The following GLIS1 variants were observed in gnomAD, a reference collection of about 807,000 sequenced individuals.
The protein encoded by GLIS1 is zinc finger protein GLIS1.
Under a neutral mutation model 63.8 loss-of-function variants are expected in GLIS1, and 24 were observed. The ratio of observed to expected loss-of-function variants is 0.38; its 90% confidence interval spans 0.27 to 0.53. GLIS1 has a LOEUF of 0.53. Ranked by LOEUF, GLIS1 falls within the 20% of genes least tolerant of loss-of-function variation. The probability of loss-of-function intolerance (pLI) is 0.85; values close to 1 mark genes in which losing one functional copy is unlikely to be tolerated. For missense variants in GLIS1, 1,036 were observed against 1,074.1 expected, an observed-to-expected ratio of 0.96 and a Z score of 0.50; for synonymous variants, 450 against 482.5, an observed-to-expected ratio of 0.93 and a Z score of 0.88.
chr1:53,514,216 G>A (rs1644326323), intron 8 of GLIS1, among the ~76,000 whole-genome samples: 1 of 152,206 alleles, frequency 6.6e-6, no homozygotes, highest in South Asian at 2.1e-4. Context: ...ACCAGCGTCT[G>A]TGGAGTGCGC....
chr1:53,514,883 A>G (rs1644335077), intron 7 of GLIS1, 102 bp from the exon 8 acceptor site: 9 of 1,354,696 alleles, frequency 6.6e-6, no homozygotes, highest in Non-Finnish European at 8.9e-6. Context: ...AAATAAAGAC[A>G]AGAGGGAAAA....
chr1:53,686,190 T>C (rs761236198), intron 2 of GLIS1, among the ~76,000 whole-genome samples: 42 of 152,302 alleles, frequency 2.8e-4, no homozygotes, highest in Middle Eastern at 3.4e-3. Context: ...GAGCTATGAC[T>C]GCCCTGAAGC....
intron 2 of GLIS1, among the ~76,000 whole-genome samples, chr1:53,734,765 A>G (rs1646897062): frequency 1.3e-5 from 2 of 152,242 alleles, no homozygotes; most frequent in Admixed American, 1.3e-4. Context: ...GGCCATCACC[A>G]CAAAGCTGTC....
chr1:53,620,224 A>G (rs942278138), intron 2 of GLIS1, among the ~76,000 whole-genome samples: 2 of 152,222 alleles, frequency 1.3e-5, no homozygotes, highest in Admixed American at 1.3e-4. Flanking sequence ...ACGTTTACAC[A>G]GATGACCTCA....
intron 4 of GLIS1, among the ~76,000 whole-genome samples, chr1:53,581,560 A>G (rs1020552592): frequency 1.3e-5 from 2 of 152,204 alleles, no homozygotes. Flanking sequence ...TGGCTGGAGG[A>G]CAGATCATAG....
At chr1:53,701,607 G>A (rs1646523271) in intron 2 of GLIS1, among the ~76,000 whole-genome samples, 2 of 152,328 alleles carry the variant, frequency 1.3e-5, no homozygotes, top group Non-Finnish European at 1.5e-5. Context: ...TCAAATCTAA[G>A]CTAGAGTCTG....
intron 2 of GLIS1, among the ~76,000 whole-genome samples, chr1:53,661,327 CACATCCAGGATAG>C (rs1646026215): frequency 6.6e-6 from 1 of 152,136 alleles, no homozygotes; most frequent in Non-Finnish European, 1.5e-5. Flanking sequence ...AGGTAAATAG[CACATCCAGGATAG>C]AAGGCAGAGG....
At chr1:53,624,922 C>T (rs1354038298) in intron 2 of GLIS1, among the ~76,000 whole-genome samples, 1 of 152,138 alleles carries the variant, frequency 6.6e-6, no homozygotes, top group Non-Finnish European at 1.5e-5. Flanking sequence ...AGAAGACACA[C>T]ACATGAGAAG....
intron 2 of GLIS1, among the ~76,000 whole-genome samples, chr1:53,675,043 A>T (rs1275292259): frequency 6.6e-6 from 1 of 152,086 alleles, no homozygotes; most frequent in Non-Finnish European, 1.5e-5. Flanking sequence ...AGCTCTCCTC[A>T]CTCACTTCCA....
chr1:53,533,341 C>T (rs1223107847), intron 4 of GLIS1, among the ~76,000 whole-genome samples: 1 of 152,180 alleles, frequency 6.6e-6, no homozygotes, highest in East Asian at 1.9e-4. Context: ...AAGGGTGGGA[C>T]AGAAGCATGA....
At chr1:53,650,291 TA>T (rs1407450064) in intron 2 of GLIS1, among the ~76,000 whole-genome samples, 2 of 151,974 alleles carry the variant, frequency 1.3e-5, no homozygotes, top group Admixed American at 1.3e-4. Flanking sequence ...CATAAATCCA[TA>T]AAAAAGACCA....
At chr1:53,642,382 A>G (rs1191581182) in intron 2 of GLIS1, among the ~76,000 whole-genome samples, 1 of 151,454 alleles carries the variant, frequency 6.6e-6, no homozygotes, top group Admixed American at 6.6e-5. Flanking sequence ...ATTTCACACT[A>G]CTCTGCAGTG....
intron 2 of GLIS1, among the ~76,000 whole-genome samples, chr1:53,674,091 G>A (rs574094481): frequency 6.7e-6 from 1 of 149,258 alleles, no homozygotes; most frequent in East Asian, 2.0e-4. Flanking sequence ...AGAATCGCTT[G>A]AACCTGGGAG....
At chr1:53,580,939 G>A (rs1645078634) in intron 4 of GLIS1, among the ~76,000 whole-genome samples, 3 of 152,142 alleles carry the variant, frequency 2.0e-5, no homozygotes, top group Admixed American at 2.0e-4. Context: ...ATAAACAGCT[G>A]CTGCAGCAGC....
chr1:53,582,373 C>T (rs1645093949), intron 4 of GLIS1, among the ~76,000 whole-genome samples: 2 of 152,186 alleles, frequency 1.3e-5, no homozygotes, highest in African/African-American at 4.8e-5. Flanking sequence ...TTAAAGTCTC[C>T]CTGGAGCCTG....
intron 2 of GLIS1, among the ~76,000 whole-genome samples, chr1:53,714,074 A>C (rs1181406241): frequency 1.3e-5 from 2 of 152,222 alleles, no homozygotes; most frequent in Non-Finnish European, 2.9e-5. Context: ...AAGTGAAGAA[A>C]GATAAGAAAG....
intron 2 of GLIS1, among the ~76,000 whole-genome samples, chr1:53,642,266 G>T (rs772999857): frequency 4.6e-5 from 7 of 152,246 alleles, no homozygotes; most frequent in Non-Finnish European, 8.8e-5. Context: ...AACATCAGCA[G>T]CTTGGCAATC....
chr1:53,679,394 G>C (rs1646251093), intron 2 of GLIS1, among the ~76,000 whole-genome samples: 1 of 152,228 alleles, frequency 6.6e-6, no homozygotes, highest in Non-Finnish European at 1.5e-5. Context: ...GGTTTCAGAT[G>C]AAAGTAGGAG....
chr1:53,579,932 G>A (rs1183499447), intron 4 of GLIS1, among the ~76,000 whole-genome samples: 2 of 152,228 alleles, frequency 1.3e-5, no homozygotes, highest in Non-Finnish European at 2.9e-5. Flanking sequence ...ACTATACGGA[G>A]TAAAGGGCAG....
Sources: gnomAD v4.1 joint callset for allele counts (sites outside exome capture counted in the v4.1 genomes callset) on GRCh38, gnomAD v4.1.1 for gene constraint, MANE v1.5 for transcripts, NCBI Gene and HGNC (gene_info 2026-07-23, HGNC 2026-07-21) for gene names.